The following WDR49 variants were observed in gnomAD, a reference collection of about 807,000 sequenced individuals.
WDR49 encodes the protein WD repeat domain 49.
Under a neutral mutation model 119.5 loss-of-function variants are expected in WDR49, and 107 were observed. The ratio of observed to expected loss-of-function variants is 0.90; its 90% confidence interval spans 0.77 to 1.05. The LOEUF is 1.05. Among genes scored for constraint, WDR49 ranks in the 50% least tolerant of loss-of-function variants. The pLI, the probability that WDR49 is intolerant of heterozygous loss-of-function variation, is 0.00. For missense variants in WDR49, 1,240 were observed against 1,220.5 expected, an observed-to-expected ratio of 1.02 and a Z score of -0.24; for synonymous variants, 425 against 418.8, an observed-to-expected ratio of 1.01 and a Z score of -0.18.
chr3:167,620,289 CAG>C (rs1716805343), intron 5 of WDR49, 138 bp downstream of exon 5: 1 of 731,092 alleles, frequency 1.4e-6, no homozygotes, highest in South Asian at 3.9e-5. Flanking sequence ...CAAGGGATAG[CAG>C]AGTCCAGGCC....
At chr3:167,628,820 C>A (rs1717242788) in intron 2 of WDR49, among the ~76,000 whole-genome samples, 1 of 152,090 alleles carries the variant, frequency 6.6e-6, no homozygotes, top group Admixed American at 6.6e-5. Flanking sequence ...TTAGGACTTT[C>A]GTAGCTGAGA....
chr3:167,566,500 A>T (rs1309436211), intron 8 of WDR49, among the ~76,000 whole-genome samples: 3 of 152,072 alleles, frequency 2.0e-5, no homozygotes, highest in Non-Finnish European at 2.9e-5. Context: ...TCATTTTTGT[A>T]AAAAAAGCCT....
In WDR49 at chr3:167,620,519, T is replaced by C. The variant is rs780693917; in HGVS notation, c.868A>G (p.Thr290Ala). ...GAGAGCAGCTCTGCCCAGTTAATGG[T>C]CATAGTGGCTTCTCCATCTTCACAT... ...SACEDGEATM[T>A]INWAELLSGC... Residue 290 changes from threonine to alanine, a missense_variant, in exon 5 of 19, where the codon ACC becomes GCC. Transcript: ENST00000682715. The C allele has an allele frequency of 6.5e-7, 1 of 1,536,048 alleles. No individual in the cohort carries two copies. Among genetic ancestry groups the C allele is most frequent in the South Asian group, 1.2e-5 (1 of 84,042 alleles).
intron 8 of WDR49, among the ~76,000 whole-genome samples, chr3:167,568,651 C>T (rs111558562): frequency 3.6e-4 from 55 of 152,216 alleles, no homozygotes; most frequent in Non-Finnish European, 6.3e-4. Flanking sequence ...TCTTGCAATG[C>T]CATGAGTTTT....
intron 16 of WDR49, among the ~76,000 whole-genome samples, chr3:167,518,859 T>A (rs550709963): frequency 6.6e-6 from 1 of 150,544 alleles, no homozygotes; most frequent in African/African-American, 2.4e-5. Context: ...TGGGTGAAAA[T>A]TTTTGCAACT....
At chr3:167,651,803 A>C (rs1200470911) in intron 2 of WDR49, among the ~76,000 whole-genome samples, 2 of 152,182 alleles carry the variant, frequency 1.3e-5, no homozygotes, top group Non-Finnish European at 2.9e-5. Context: ...TGAATTTTCC[A>C]GTTTCACTTG....
At chr3:167,572,634 G>C (rs1159293999) in intron 8 of WDR49, among the ~76,000 whole-genome samples, 6 of 152,296 alleles carry the variant, frequency 3.9e-5, no homozygotes, top group Admixed American at 3.3e-4. Flanking sequence ...ACAGTGTTAG[G>C]AGCTGTGGGA....
intron 10 of WDR49, among the ~76,000 whole-genome samples, chr3:167,550,011 T>A (rs1043365700): frequency 6.6e-6 from 1 of 152,084 alleles, no homozygotes; most frequent in Non-Finnish European, 1.5e-5. Flanking sequence ...TGTAGATGTG[T>A]GGTATTATTT....
chr3:167,585,116 C>G (rs999194948), intron 7 of WDR49, among the ~76,000 whole-genome samples: 1 of 151,772 alleles, frequency 6.6e-6, no homozygotes, highest in Non-Finnish European at 1.5e-5. Flanking sequence ...AGATATTGCA[C>G]AAAAATCAAG....
intron 10 of WDR49, among the ~76,000 whole-genome samples, chr3:167,543,755 A>C (rs969854301): frequency 6.6e-6 from 1 of 152,066 alleles, no homozygotes; most frequent in Admixed American, 6.6e-5. Flanking sequence ...CACTTTCACC[A>C]CGTCTATTCA....
At chr3:167,629,133 T>C (rs1303206783) in intron 2 of WDR49, among the ~76,000 whole-genome samples, 1 of 152,064 alleles carries the variant, frequency 6.6e-6, no homozygotes, top group African/African-American at 2.4e-5. Flanking sequence ...GAGCCTGTAG[T>C]CTTAGTTACT....
intron 2 of WDR49, among the ~76,000 whole-genome samples, chr3:167,649,684 GTC>G (rs1292659904): frequency 6.6e-6 from 1 of 152,140 alleles, no homozygotes; most frequent in Non-Finnish European, 1.5e-5. Flanking sequence ...TCACCACACA[GTC>G]TCTGGGGCAG....
At chr3:167,573,391 T>TACACACACGC (rs565675201) in intron 8 of WDR49, among the ~76,000 whole-genome samples, 6 of 142,276 alleles carry the variant, frequency 4.2e-5, no homozygotes, top group African/African-American at 1.5e-4. Context: ...TTATGTGGAA[T>TACACACACGC]ACACACACAC....
At chr3:167,542,655 TTC>T (rs1711916460) in intron 10 of WDR49, among the ~76,000 whole-genome samples, 1 of 151,984 alleles carries the variant, frequency 6.6e-6, no homozygotes, top group Non-Finnish European at 1.5e-5. Flanking sequence ...GGGTAGAAAG[TTC>T]ATAGCATTAA....
rs942274487 is a variant in WDR49 at position 167,528,032 on chromosome 3, A to C, written c.2407-15T>G. ...AGACAGTACTCCTGAATGAAAAGAAATACCAGAACTCTAAAAAATTCAAAT... is the reference window on the plus strand; with the variant it reads ...AGACAGTACTCCTGAATGAAAAGAACTACCAGAACTCTAAAAAATTCAAAT... On this transcript the variant is annotated splice_polypyrimidine_tract_variant and intron_variant, in intron 14 of 18. Coordinates refer to ENST00000682715, the MANE Select transcript of WDR49 (RefSeq NM_001366157.1). The C allele has an allele frequency of 6.3e-7, 1 of 1,596,232 alleles. No homozygotes were observed. Among genetic ancestry groups the C allele is most frequent in the African/African-American group, 1.3e-5 (1 of 74,264 alleles).
At chr3:167,628,265 G>T (rs559635920) in intron 2 of WDR49, among the ~76,000 whole-genome samples, 1 of 151,970 alleles carries the variant, frequency 6.6e-6, no homozygotes, top group African/African-American at 2.4e-5. Flanking sequence ...AGAGTTTCAC[G>T]TCTCTCACTT....
In WDR49 at chr3:167,515,026, G is replaced by A. The variant is rs567983440; in HGVS notation, c.2774+7289C>T. On this transcript the variant is annotated intron_variant, in intron 16 of 18. Transcript: ENST00000682715. ...AACCAAAAAAGCCAAGGACCAGAGTGATTCACAGCTGAATTCTACCAGAGA... is the reference window on the plus strand; with the variant it reads ...AACCAAAAAAGCCAAGGACCAGAGTAATTCACAGCTGAATTCTACCAGAGA... Among the ~76,000 whole-genome samples, 41 of 152,234 alleles carry A rather than the reference G, an allele frequency of 2.7e-4. No individual in the cohort carries two copies. In the South Asian group the frequency reaches 7.9e-3, roughly 29 times the overall value.
intron 7 of WDR49, among the ~76,000 whole-genome samples, chr3:167,586,318 C>T (rs930558871): frequency 2.0e-5 from 3 of 152,174 alleles, no homozygotes; most frequent in African/African-American, 4.8e-5. Flanking sequence ...CTCCAAATGA[C>T]TAAGTTACTT....
intron 10 of WDR49, among the ~76,000 whole-genome samples, chr3:167,550,049 C>T (rs1375428426): frequency 1.3e-5 from 2 of 151,942 alleles, no homozygotes; most frequent in African/African-American, 2.4e-5. Context: ...TCCCATTGGT[C>T]TATATCTCTG....
Sources: gnomAD v4.1 joint callset for allele counts (sites outside exome capture counted in the v4.1 genomes callset) on GRCh38, gnomAD v4.1.1 for gene constraint, MANE v1.5 for transcripts, NCBI Gene and HGNC (gene_info 2026-07-23, HGNC 2026-07-21) for gene names.